DOK5: variants seen among roughly 807,000 people sequenced by gnomAD.
The protein encoded by DOK5 is docking protein 5, also known as downstream of tyrosine kinase 5.
Under a neutral mutation model 43.3 loss-of-function variants are expected in DOK5, and 27 were observed. The ratio of observed to expected loss-of-function variants is 0.62; its 90% confidence interval spans 0.46 to 0.86. The LOEUF (loss-of-function observed/expected upper bound fraction) is 0.86, where lower values mean the gene tolerates loss of function less well. Among genes scored for constraint, DOK5 ranks in the 40% least tolerant of loss-of-function variants. The pLI is 0.00. For synonymous variants in DOK5, 146 were observed against 140.1 expected (o/e 1.04, Z -0.30); for missense variants, 373 against 392.9 (o/e 0.95, Z 0.43).
At chr20:54,496,690 C>T (rs1406173267) in intron 1 of DOK5, among the ~76,000 whole-genome samples, 11 of 137,238 alleles carry the variant, frequency 8.0e-5, no homozygotes, top group South Asian at 2.3e-4. Context: ...GGCATGAACA[C>T]GGGAGGTGGA....
intron 1 of DOK5, among the ~76,000 whole-genome samples, chr20:54,527,022 G>A (rs529278826): frequency 1.3e-5 from 2 of 152,284 alleles, no homozygotes; most frequent in East Asian, 3.9e-4. Flanking sequence ...GGTTTCTGTA[G>A]AGGTCTGATA....
At chr20:54,576,533 T>C (rs1985458458) in intron 2 of DOK5, among the ~76,000 whole-genome samples, 1 of 152,336 alleles carries the variant, frequency 6.6e-6, no homozygotes, top group East Asian at 1.9e-4. Context: ...AGGGGTGGAA[T>C]TGACTGAAAT....
At chr20:54,634,518 T>C (rs913424292) in intron 6 of DOK5, among the ~76,000 whole-genome samples, 7 of 138,648 alleles carry the variant, frequency 5.0e-5, no homozygotes, top group Non-Finnish European at 9.2e-5. Flanking sequence ...CTCGGCTCAC[T>C]ACAAGCTCTG....
intron 1 of DOK5, among the ~76,000 whole-genome samples, chr20:54,542,989 G>C (rs1423931975): frequency 6.6e-6 from 1 of 152,180 alleles, no homozygotes; most frequent in Non-Finnish European, 1.5e-5. Flanking sequence ...TGGTAGCTTA[G>C]AGTAGAGTAG....
At chr20:54,631,447 G>GAAAGA (rs1179123338) in intron 6 of DOK5, among the ~76,000 whole-genome samples, 3 of 142,552 alleles carry the variant, frequency 2.1e-5, no homozygotes, top group South Asian at 2.1e-4. Flanking sequence ...GGAAAGAAAG[G>GAAAGA]AAGGAAGGAA....
At chr20:54,521,173 C>T (rs1371008278) in intron 1 of DOK5, among the ~76,000 whole-genome samples, 1 of 152,006 alleles carries the variant, frequency 6.6e-6, no homozygotes, top group Non-Finnish European at 1.5e-5. Context: ...CACTTTTCAC[C>T]AGCTGTGGTA....
At chr20:54,538,127 G>A (rs941630465) in intron 1 of DOK5, among the ~76,000 whole-genome samples, 23 of 151,598 alleles carry the variant, frequency 1.5e-4, no homozygotes, top group African/African-American at 5.3e-4. Context: ...GTGAGCCACT[G>A]CACTTGGCCA....
chr20:54,570,312 A>G (rs1985244087), intron 2 of DOK5, among the ~76,000 whole-genome samples: 2 of 152,220 alleles, frequency 1.3e-5, no homozygotes, highest in African/African-American at 4.8e-5. Flanking sequence ...GATGGTTTTC[A>G]TGTTAGTTTT....
chr20:54,486,160 AT>A (rs1438567859), intron 1 of DOK5, among the ~76,000 whole-genome samples: 1 of 152,036 alleles, frequency 6.6e-6, no homozygotes. Context: ...ATTTTGAGTA[AT>A]TTTTGTATAA....
chr20:54,609,208 T>C (rs1419084987), intron 5 of DOK5, among the ~76,000 whole-genome samples: 1 of 152,214 alleles, frequency 6.6e-6, no homozygotes, highest in East Asian at 1.9e-4. Flanking sequence ...GAGAATTTGC[T>C]TAGTTTCTAT....
intron 1 of DOK5, among the ~76,000 whole-genome samples, chr20:54,489,575 A>G (rs1005538594): frequency 3.3e-5 from 5 of 151,974 alleles, no homozygotes; most frequent in African/African-American, 1.2e-4. Flanking sequence ...TTATTTATTT[A>G]TTCTTCTTTC....
intron 1 of DOK5, among the ~76,000 whole-genome samples, chr20:54,480,944 T>TATC (rs1183946869): frequency 4.4e-3 from 615 of 140,828 alleles, no homozygotes; most frequent in African/African-American, 0.017. Flanking sequence ...ATCATCTATC[T>TATC]ATCTATCATC....
intron 6 of DOK5, among the ~76,000 whole-genome samples, chr20:54,628,646 A>G (rs1568819044): frequency 1.3e-5 from 2 of 152,034 alleles, no homozygotes; most frequent in Non-Finnish European, 2.9e-5. Context: ...GGAACTGGTT[A>G]CTGCCACTTA....
At chr20:54,598,982 T>C (rs1027942209) in intron 5 of DOK5, among the ~76,000 whole-genome samples, 1 of 152,228 alleles carries the variant, frequency 6.6e-6, no homozygotes, top group Non-Finnish European at 1.5e-5. Flanking sequence ...ACAGGTAAAA[T>C]GACAATTGTT....
At chr20:54,478,996 T>A (rs1033724545) in intron 1 of DOK5, among the ~76,000 whole-genome samples, 6 of 152,156 alleles carry the variant, frequency 3.9e-5, no homozygotes, top group Non-Finnish European at 7.4e-5. Flanking sequence ...TGTGTATGTG[T>A]GTGTATTTTT....
chr20:54,589,049 G>T (rs1285458081), intron 4 of DOK5, among the ~76,000 whole-genome samples: 1 of 152,128 alleles, frequency 6.6e-6, no homozygotes, highest in Non-Finnish European at 1.5e-5. Context: ...TGGGGAACCT[G>T]CTATGTGCCA....
intron 2 of DOK5, chr20:54,555,268 C>G (rs1984670339): frequency 4.2e-6 from 2 of 471,204 alleles, no homozygotes; most frequent in Admixed American, 6.7e-5. Context: ...TTGCTGTTTT[C>G]CAGTCTCTGC....
At chr20:54,625,228 G>T (rs752530338) in intron 6 of DOK5, among the ~76,000 whole-genome samples, 1 of 152,172 alleles carries the variant, frequency 6.6e-6, no homozygotes, top group East Asian at 1.9e-4. Flanking sequence ...AGCCCATGAG[G>T]ACTGGTTCAT....
chr20:54,494,633 G>A (rs1459193764), intron 1 of DOK5, among the ~76,000 whole-genome samples: 3 of 150,578 alleles, frequency 2.0e-5, no homozygotes, highest in East Asian at 2.0e-4. Context: ...AAAATAGCTC[G>A]TTAGTTTAAT....
Sources: gnomAD v4.1 joint callset for allele counts (sites outside exome capture counted in the v4.1 genomes callset) on GRCh38, gnomAD v4.1.1 for gene constraint, MANE v1.5 for transcripts, NCBI Gene and HGNC (gene_info 2026-07-23, HGNC 2026-07-21) for gene names.